STX19: variants seen among roughly 807,000 people sequenced by gnomAD.
STX19 encodes the protein syntaxin-19.
In STX19, 26 loss-of-function variants were observed where a neutral mutation model predicts 24.3. The ratio of observed to expected loss-of-function variants is 1.07; its 90% CI spans 0.78 to 1.48. The LOEUF (loss-of-function observed/expected upper bound fraction) is 1.48, where lower values mean the gene tolerates loss of function less well. STX19 is among the 40% of genes most tolerant of loss of function. The probability of loss-of-function intolerance (pLI) is 0.00; values close to 1 mark genes in which losing one functional copy is unlikely to be tolerated. For synonymous variants in STX19, 116 were observed against 106.9 expected (o/e 1.09, Z -0.52); for missense variants, 367 against 331.9 (o/e 1.11, Z -0.82).
intron 1 of STX19, among the ~76,000 whole-genome samples, chr3:94,021,228 C>G (rs1575995272): frequency 6.6e-6 from 1 of 150,586 alleles, no homozygotes; most frequent in Admixed American, 6.6e-5. Context: ...GGGTCTCGCT[C>G]TGTTACCCAG....
In STX19 at chr3:94,014,430, G is replaced by A. The variant is rs2076283963; in HGVS notation, c.840C>T (p.Cys280=). The change falls in exon 2 of 2, where the codon TGC becomes TGT. Residue 280 remains cysteine, a synonymous_variant. Coordinates refer to ENST00000315099, the MANE Select transcript of STX19 (RefSeq NM_001001850.3). ...GACAGCACCAACAACACAGTACTCTGCAAGGATTTCTTTTTTTGTATTTTA... is the reference window on the plus strand; with the variant it reads ...GACAGCACCAACAACACAGTACTCTACAAGGATTTCTTTTTTTGTATTTTA... The part of the protein sequence containing the change: ...LAVKYKKRNP[C]RVLCCWCCPC... The A allele has an allele frequency of 1.3e-6, 2 of 1,587,574 alleles. No individual in the cohort carries two copies.
At chr3:94,018,859 G>A (rs1218012543) in intron 1 of STX19, among the ~76,000 whole-genome samples, 5 of 151,878 alleles carry the variant, frequency 3.3e-5, no homozygotes, top group African/African-American at 9.7e-5. Context: ...TCCGCCGTCC[G>A]GGTTCAAGCA....
At chr3:94,027,394 G>A (rs1043582543) in intron 1 of STX19, among the ~76,000 whole-genome samples, 1 of 151,702 alleles carries the variant, frequency 6.6e-6, no homozygotes, top group African/African-American at 2.4e-5. Flanking sequence ...ATTTTATTTA[G>A]TCTAAATAAC....
chr3:94,022,131 TA>T (rs1362818589), intron 1 of STX19, among the ~76,000 whole-genome samples: 1 of 152,130 alleles, frequency 6.6e-6, no homozygotes, highest in African/African-American at 2.4e-5. Context: ...TATTTTATTT[TA>T]TTTTTTTTGA....
chr3:94,023,442 A>T (rs1335761690), intron 1 of STX19, among the ~76,000 whole-genome samples: 1 of 151,940 alleles, frequency 6.6e-6, no homozygotes, highest in Non-Finnish European at 1.5e-5. Context: ...TTTGGTAAAC[A>T]TATAGTTGGT....
intron 1 of STX19, among the ~76,000 whole-genome samples, chr3:94,017,006 A>G (rs2076347432): frequency 6.6e-6 from 1 of 152,202 alleles, no homozygotes; most frequent in Non-Finnish European, 1.5e-5. Flanking sequence ...TAATAGTCTG[A>G]TGTATGGATA....
chr3:94,019,814 C>A (rs1286461955), intron 1 of STX19, among the ~76,000 whole-genome samples: 1 of 152,198 alleles, frequency 6.6e-6, no homozygotes, highest in Non-Finnish European at 1.5e-5. Context: ...GCTGTTCTCA[C>A]ACAAATCTGG....
chr3:94,021,201 AT>A (rs887213568), intron 1 of STX19, among the ~76,000 whole-genome samples: 9 of 141,650 alleles, frequency 6.4e-5, no homozygotes, highest in South Asian at 2.3e-4. Context: ...TATATATATA[AT>A]TTTTTTTTTG....
chr3:94,028,240 G>A (rs549397501), intron 1 of STX19, 127 bp downstream of exon 1: 2 of 152,062 alleles, frequency 1.3e-5, no homozygotes, highest in African/African-American at 2.4e-5. Flanking sequence ...CTGGTACCCC[G>A]GTCCAAATCT....
At position 94,014,847 on chromosome 3, in the gene STX19, G is replaced by A. The variant is rs1415635215; in HGVS notation, c.423C>T (p.Phe141=). ...RILKSQHAAM[F]RHFQQIMFIY... ...TAAACATGATTTGCTGAAAATGGCG[G>A]AACATTGCAGCATGCTGAGATTTAA... The change falls in exon 2 of 2, where the codon TTC becomes TTT. Residue 141 remains phenylalanine, a synonymous_variant. Coordinates refer to ENST00000315099, the MANE Select transcript of STX19 (RefSeq NM_001001850.3). 1 of 1,614,008 alleles carries A rather than the reference G, an allele frequency of 6.2e-7. No individual in the cohort carries two copies. The highest frequency in any genetic ancestry group is 1.7e-5 in the Admixed American group (1 of 60,010).
chr3:94,027,626 T>G (rs2076584958), intron 1 of STX19, among the ~76,000 whole-genome samples: 1 of 152,114 alleles, frequency 6.6e-6, no homozygotes, highest in Non-Finnish European at 1.5e-5. Flanking sequence ...TTATTTTGAT[T>G]TGAAATGGAA....
chr3:94,025,246 C>A (rs892847959), intron 1 of STX19, among the ~76,000 whole-genome samples: 2 of 151,008 alleles, frequency 1.3e-5, no homozygotes, highest in African/African-American at 4.8e-5. Context: ...AATGAATTTA[C>A]AAGCAAAAAA....
intron 1 of STX19, among the ~76,000 whole-genome samples, chr3:94,020,635 G>A (rs2106995956): frequency 1.3e-5 from 2 of 152,240 alleles, no homozygotes; most frequent in Middle Eastern, 3.4e-3. Flanking sequence ...TCAGGAAAAG[G>A]TGTTTTATAG....
intron 1 of STX19, among the ~76,000 whole-genome samples, chr3:94,021,028 T>C (rs142571599): frequency 6.6e-6 from 1 of 152,024 alleles, no homozygotes; most frequent in East Asian, 1.9e-4. Flanking sequence ...AGTGTTTCTA[T>C]AAGATCCAAG....
intron 1 of STX19, among the ~76,000 whole-genome samples, chr3:94,019,166 C>G (rs1459272308): frequency 1.3e-5 from 2 of 152,064 alleles, no homozygotes; most frequent in Admixed American, 6.6e-5. Context: ...CCACCTCTTA[C>G]CATCTCCCTG....
At chr3:94,023,593 C>T (rs2076494134) in intron 1 of STX19, among the ~76,000 whole-genome samples, 1 of 151,818 alleles carries the variant, frequency 6.6e-6, no homozygotes, top group African/African-American at 2.4e-5. Context: ...CAGTCCAGTC[C>T]AAGAAAAGCA....
At chr3:94,021,989 T>A (rs1412353161) in intron 1 of STX19, among the ~76,000 whole-genome samples, 4 of 152,146 alleles carry the variant, frequency 2.6e-5, no homozygotes, top group Admixed American at 6.5e-5. Context: ...CCGTACCACA[T>A]CCCCTTTCCA....
In STX19 at chr3:94,016,585, A is replaced by G. The variant is rs190704412; in HGVS notation, c.-13-1303T>C. ...AAAAATATTTTCGTATCTACAGAGTAGAAGACCCTTGGGTTCACAATAGTG... is the reference window on the plus strand; with the variant it reads ...AAAAATATTTTCGTATCTACAGAGTGGAAGACCCTTGGGTTCACAATAGTG... On this transcript the variant is annotated intron_variant, in intron 1 of 1. Coordinates refer to ENST00000315099, the MANE Select transcript of STX19 (RefSeq NM_001001850.3). Among the ~76,000 whole-genome samples, 450 of 152,310 alleles carry G rather than the reference A, an allele frequency of 3.0e-3. 2 individuals are homozygous for G. Among genetic ancestry groups the G allele is most frequent in the Non-Finnish European group, 4.8e-3 (328 of 68,022 alleles).
chr3:94,020,895 A>T (rs1166502169), intron 1 of STX19, among the ~76,000 whole-genome samples: 2 of 152,156 alleles, frequency 1.3e-5, no homozygotes, highest in Admixed American at 6.5e-5. Context: ...TTATGTAAAT[A>T]GGGGACTTCT....
Sources: allele counts gnomAD v4.1 joint callset (sites outside exome capture counted in the v4.1 genomes callset), GRCh38; gene constraint gnomAD v4.1.1; transcripts MANE v1.5; gene names NCBI Gene and HGNC (gene_info 2026-07-23, HGNC 2026-07-21).